The following KIRREL3 variants were observed in gnomAD, a reference collection of about 807,000 sequenced individuals.
KIRREL3 encodes the protein kirre like nephrin family adhesion molecule 3, also known as kin of IRRE-like protein 3.
In KIRREL3, 36 loss-of-function variants were observed where a neutral mutation model predicts 89.7. The ratio of observed to expected loss-of-function variants is 0.40; its 90% CI spans 0.31 to 0.53. KIRREL3 has a LOEUF of 0.53. Ranked by LOEUF, KIRREL3 falls within the 20% of genes least tolerant of loss-of-function variation. The pLI is 0.49. For missense variants in KIRREL3, 864 were observed against 1,056.6 expected (o/e 0.82, Z 2.53); for synonymous variants, 445 against 441.4 (o/e 1.01, Z -0.10).
rs533052105 is a variant in KIRREL3 at position 126,455,510 on chromosome 11, C to T, written c.848+839G>A. Among the ~76,000 whole-genome samples the T allele has an allele frequency of 3.3e-5, 5 of 152,202 alleles. No homozygotes were observed. The East Asian group carries it at 5.8e-4, about 18-fold the overall frequency. ...AAAACAAAAACAGTGATGCTTTGGC[C>T]GGGTGCGGTGGCTCATGCCTGTAAT... is the stretch of plus-strand genomic sequence containing the variant. On this transcript the variant is annotated intron_variant, in intron 7 of 16. Transcript: ENST00000525144. The surrounding 1 kb of genome is among the most constrained non-coding windows in gnomAD (Gnocchi z 6.4).
At chr11:126,818,975 A>G (rs1010865985) in intron 1 of KIRREL3, among the ~76,000 whole-genome samples, 1 of 152,176 alleles carries the variant, frequency 6.6e-6, no homozygotes, top group African/African-American at 2.4e-5. Context: ...GGAACACTCA[A>G]TACATTTATT....
At chr11:126,602,279 TTGGGGTTATGGAGCCTGTGGTGTG>T (rs886324385) in intron 1 of KIRREL3, among the ~76,000 whole-genome samples, 2 of 152,148 alleles carry the variant, frequency 1.3e-5, no homozygotes, top group Non-Finnish European at 2.9e-5. Context: ...TTTTTGGGTC[TTGGGGTTATGGAGCCTGTGGTGTG>T]TGGGGTTATC....
rs1420937075 is a variant in KIRREL3, at chr11:126,837,420, A to C, written c.55+163035T>G. Among the ~76,000 whole-genome samples the C allele has an allele frequency of 6.6e-6, 1 of 152,250 alleles. No individual in the cohort carries two copies. The highest frequency in any genetic ancestry group is 1.5e-5 in the Non-Finnish European group (1 of 68,032). The stretch of plus-strand genomic sequence containing the variant: ...AAAACTATGAACTTGTTAGATAAGG[A>C]CATGTCTAGACTCAGAGTGGAAGAG... On this transcript the variant is annotated intron_variant, in intron 1 of 16. Transcript: ENST00000525144. The surrounding 1 kb of genome is among the most constrained non-coding windows in gnomAD (Gnocchi z 4.7).
chr11:126,586,221 G>C (rs1168775017), intron 1 of KIRREL3, among the ~76,000 whole-genome samples: 1 of 152,184 alleles, frequency 6.6e-6, no homozygotes, highest in East Asian at 1.9e-4. Flanking sequence ...CCTTGAATTA[G>C]AGCGGCCACT....
intron 1 of KIRREL3, chr11:126,935,483 C>T (rs1161400584): frequency 6.6e-6 from 1 of 152,146 alleles, no homozygotes; most frequent in Non-Finnish European, 1.5e-5. Context: ...CCAAGATGAC[C>T]TTCAGCAGGT....
At chr11:126,440,245 T>C (rs747659571) in intron 11 of KIRREL3, 43 of 702,618 alleles carry the variant, frequency 6.1e-5, no homozygotes, top group Non-Finnish European at 2.6e-6. Context: ...AGCTGAACCC[T>C]GGGAGAGCAC....
intron 2 of KIRREL3, among the ~76,000 whole-genome samples, chr11:126,556,806 C>T (rs78035890): frequency 0.02 from 2,990 of 152,174 alleles, 46 homozygotes; most frequent in South Asian, 0.051. Context: ...TCTCTTGTTC[C>T]AAGACACTGA....
intron 1 of KIRREL3, among the ~76,000 whole-genome samples, chr11:126,829,404 T>C (rs577408374): frequency 6.6e-6 from 1 of 152,352 alleles, no homozygotes; most frequent in Non-Finnish European, 1.5e-5. Flanking sequence ...TCAATCCTAG[T>C]TGGTTAAAAA....
chr11:126,475,760 C>T lies in KIRREL3; in HGVS notation c.434-2294G>A, dbSNP rs926388483. 3.3e-5 allele frequency among the ~76,000 whole-genome samples: 5 copies of T among 152,226 alleles called. No homozygotes were observed. Among genetic ancestry groups the T allele is most frequent in the African/African-American group, 9.6e-5 (4 of 41,468 alleles). On this transcript the variant is annotated intron_variant, in intron 4 of 16. Transcript: ENST00000525144. This position sits in a 1 kb window ranked among gnomAD's most constrained non-coding sequence, Gnocchi z 7.5. The stretch of plus-strand genomic sequence containing the variant: ...GCCTGGCCACAGGGCAAAACGGAGG[C>T]GGCTCAGGGCTTTCCACCAAGTGGG...
At chr11:126,470,101 A>G (rs1056900432) in intron 5 of KIRREL3, among the ~76,000 whole-genome samples, 1 of 152,230 alleles carries the variant, frequency 6.6e-6, no homozygotes, top group Non-Finnish European at 1.5e-5. Flanking sequence ...AATGTAGACA[A>G]GGATGACATG....
Position 126,520,772 on chromosome 11 carries a change from G to T in KIRREL3, c.433+543C>A, listed in dbSNP as rs1414169600. On this transcript the variant is annotated intron_variant, in intron 4 of 16. Transcript: ENST00000525144. The surrounding 1 kb of genome is among the most constrained non-coding windows in gnomAD (Gnocchi z 4.9). ...TAAGGACCTGAAATGAATTTTCCTA[G>T]GAGGGACCTGTCAGCCAGGATTCCC... Among the ~76,000 whole-genome samples, 3 of 152,108 alleles carry T rather than the reference G, an allele frequency of 2.0e-5. No individual in the cohort carries two copies. Among genetic ancestry groups the T allele is most frequent in the African/African-American group, 7.2e-5 (3 of 41,430 alleles).
Position 126,676,646 on chromosome 11 carries a change from C to T in KIRREL3, c.56-113734G>A, listed in dbSNP as rs1002108427. 2.0e-5 allele frequency among the ~76,000 whole-genome samples: 3 copies of T among 152,152 alleles called. No individual in the cohort carries two copies. The highest frequency in any genetic ancestry group is 7.2e-5 in the African/African-American group (3 of 41,420). ...AACTCAGACGTGGTCCTGGACTCTCCTTGCCTGGACTTGAGGTAACTGCCT... is the reference window on the plus strand; with the variant it reads ...AACTCAGACGTGGTCCTGGACTCTCTTTGCCTGGACTTGAGGTAACTGCCT... On this transcript the variant is annotated intron_variant, in intron 1 of 16. Transcript: ENST00000525144. The surrounding 1 kb of genome is among the most constrained non-coding windows in gnomAD (Gnocchi z 4.5).
rs1565515696 is a variant in KIRREL3, at chr11:126,516,121, T to A, written c.433+5194A>T. Among the ~76,000 whole-genome samples, 1 of 152,334 alleles carries A rather than the reference T, an allele frequency of 6.6e-6. No homozygotes were observed. Among genetic ancestry groups the A allele is most frequent in the Non-Finnish European group, 1.5e-5 (1 of 68,024 alleles). On this transcript the variant is annotated intron_variant, in intron 4 of 16. Transcript: ENST00000525144. This position sits in a 1 kb window ranked among gnomAD's most constrained non-coding sequence, Gnocchi z 4.9. Reference sequence around the variant, plus strand: ...AAACTAGTTAAGGACACGTCACAGATTGGACCTTATCTGTTTTCCTCTCTC... The same window carrying A: ...AAACTAGTTAAGGACACGTCACAGAATGGACCTTATCTGTTTTCCTCTCTC...
At chr11:126,457,756 C>T (rs532076154) in intron 6 of KIRREL3, among the ~76,000 whole-genome samples, 4 of 152,196 alleles carry the variant, frequency 2.6e-5, no homozygotes, top group African/African-American at 9.6e-5. Flanking sequence ...GAAAAGGCCA[C>T]GGAGACCCGG....
intron 1 of KIRREL3, among the ~76,000 whole-genome samples, chr11:126,878,675 C>T (rs1280393436): frequency 6.6e-6 from 1 of 151,928 alleles, no homozygotes; most frequent in Non-Finnish European, 1.5e-5. Context: ...AAGATTTGAC[C>T]TAGTAATTTG....
chr11:127,003,268 C>T (rs935842512), upstream of KIRREL3: 15 of 152,434 alleles, frequency 9.8e-5, no homozygotes, highest in African/African-American at 3.6e-4. Context: ...GCAGGACCCA[C>T]AGCCGGTCGG....
intron 1 of KIRREL3, among the ~76,000 whole-genome samples, chr11:126,701,892 G>T (rs1470863911): frequency 1.3e-5 from 2 of 152,140 alleles, no homozygotes; most frequent in Non-Finnish European, 2.9e-5. Flanking sequence ...TACCTAAAAG[G>T]TTCTTTAGGT....
rs954620654 is a variant in KIRREL3, at chr11:126,429,308, G to C, written c.1697-20C>G. On this transcript the variant is annotated intron_variant, in intron 14 of 16. Transcript: ENST00000525144. The surrounding 1 kb of genome is among the most constrained non-coding windows in gnomAD (Gnocchi z 5.2). Reference sequence around the variant, plus strand: ...TGAGATCTGGAGATAAAATAGTAAAGTGTAGATGATAGATTTAGTTCTTAC... The same window carrying C: ...TGAGATCTGGAGATAAAATAGTAAACTGTAGATGATAGATTTAGTTCTTAC... 3.9e-6 allele frequency: 6 copies of C among 1,538,048 alleles called. No individual in the cohort carries two copies. In the Admixed American group the frequency reaches 8.4e-5, roughly 21 times the overall value.
rs902333306 is a variant in KIRREL3 at position 126,515,703 on chromosome 11, G to T, written c.433+5612C>A. The stretch of plus-strand genomic sequence containing the variant: ...GGGAGCAGGTTGGCGGTGGGTCTGA[G>T]GCTGGGGACACAGCTGGGGGCTGGC... On this transcript the variant is annotated intron_variant, in intron 4 of 16. Transcript: ENST00000525144. This position sits in a 1 kb window ranked among gnomAD's most constrained non-coding sequence, Gnocchi z 4.2. Among the ~76,000 whole-genome samples the T allele has an allele frequency of 1.3e-5, 2 of 152,168 alleles. No homozygotes were observed. The highest frequency in any genetic ancestry group is 4.8e-5 in the African/African-American group (2 of 41,426).
Sources: gnomAD v4.1 joint callset for allele counts (sites outside exome capture counted in the v4.1 genomes callset) on GRCh38, gnomAD v4.1.1 for gene constraint, Gnocchi (gnomAD v3.1) non-coding constraint, MANE v1.5 for transcripts, NCBI Gene and HGNC (gene_info 2026-07-23, HGNC 2026-07-21) for gene names.